Variants in PARP4 observed in about 807,000 individuals in gnomAD.
PARP4 encodes the protein protein mono-ADP-ribosyltransferase PARP4.
Under a neutral mutation model 187.7 loss-of-function variants are expected in PARP4, and 120 were observed. The ratio of observed to expected loss-of-function variants is 0.64; its 90% confidence interval spans 0.55 to 0.74. The LOEUF is 0.74. PARP4 is among the 30% of genes least tolerant of loss of function. PARP4 has a pLI of 0.00. For missense variants in PARP4, 1,836 were observed against 2,070.5 expected (o/e 0.89, Z 2.20); for synonymous variants, 654 against 740.9 (o/e 0.88, Z 1.90).
intron 20 of PARP4, among the ~76,000 whole-genome samples, chr13:24,458,031 A>C (rs1402210965): frequency 6.6e-6 from 1 of 152,070 alleles, no homozygotes; most frequent in African/African-American, 2.4e-5. Context: ...GCACTTCGGG[A>C]AGCCAGAGCA....
Position 24,435,243 on chromosome 13 carries a change from G to A in PARP4, c.3898C>T (p.Pro1300Ser), listed in dbSNP as rs771598307. 2.5e-6 allele frequency: 4 copies of A among 1,613,868 alleles called. No individual in the cohort carries two copies. The highest frequency in any genetic ancestry group is 1.7e-6 in the Non-Finnish European group (2 of 1,179,996). Residue 1300 changes from proline (P) to serine (S), a missense_variant, in exon 31 of 34, where the codon CCA becomes TCA. Physicochemically the swap from Pro to Ser is moderately conservative, Grantham distance 74. Transcript: ENST00000381989. ...TESCKPTATE[P>S]LFKKVSPWET... Reference sequence around the variant, plus strand: ...CATGGACTGACTTTCTTAAATAGTGGTTCAGTTGCTGTTGGTTTACATGAC... The same window carrying A: ...CATGGACTGACTTTCTTAAATAGTGATTCAGTTGCTGTTGGTTTACATGAC...
chr13:24,428,021 G>C lies in PARP4; in HGVS notation c.4847-1423C>G, dbSNP rs145470963. On this transcript the variant is annotated intron_variant, in intron 32 of 33. Transcript: ENST00000381989. ...TTCAGAAGGAGAGGGGATGATAAAA[G>C]AGAAATGAAGAAGAGGATAAAAGAC... 1.2e-3 allele frequency among the ~76,000 whole-genome samples: 176 copies of C among 152,214 alleles called. 3 individuals are homozygous for C. The East Asian group carries it at 0.018, about 16-fold the overall frequency.
At chr13:24,506,089 C>A (rs1310889242) in intron 1 of PARP4, among the ~76,000 whole-genome samples, 1 of 152,226 alleles carries the variant, frequency 6.6e-6, no homozygotes, top group Non-Finnish European at 1.5e-5. Flanking sequence ...AAAAACGAAG[C>A]TGCCTGGACC....
At chr13:24,458,700 G>T (rs1872021204) in intron 20 of PARP4, among the ~76,000 whole-genome samples, 1 of 152,172 alleles carries the variant, frequency 6.6e-6, no homozygotes, top group Non-Finnish European at 1.5e-5. Flanking sequence ...GGAATGAAGG[G>T]GAGAGGAAAA....
intron 1 of PARP4, among the ~76,000 whole-genome samples, chr13:24,504,734 C>T (rs751365077): frequency 5.3e-5 from 8 of 151,930 alleles, no homozygotes; most frequent in Admixed American, 2.0e-4. Flanking sequence ...TGCTCTGTCA[C>T]CCACGCTGGA....
intron 26 of PARP4, 74 bp downstream of exon 26, chr13:24,446,942 G>A (rs1267536947): frequency 2.6e-6 from 4 of 1,519,474 alleles, no homozygotes; most frequent in South Asian, 1.3e-5. Context: ...GAGAAGGGGA[G>A]GGAAGAAGAC....
intron 27 of PARP4, among the ~76,000 whole-genome samples, chr13:24,445,995 G>A (rs926282986): frequency 2.6e-5 from 4 of 152,204 alleles, no homozygotes; most frequent in Admixed American, 6.5e-5. Flanking sequence ...ACCAGAAATG[G>A]TGTATTTGGG....
chr13:24,437,446 G>A lies in PARP4; in HGVS notation c.3667-1972C>T, dbSNP rs532754194. On this transcript the variant is annotated intron_variant, in intron 30 of 33. Transcript: ENST00000381989. Reference sequence around the variant, plus strand: ...ACATCAAAATAACATGTGGAATACCGGGAAACAAATTTTCACAACTCATAT... The same window carrying A: ...ACATCAAAATAACATGTGGAATACCAGGAAACAAATTTTCACAACTCATAT... Among the ~76,000 whole-genome samples the A allele has an allele frequency of 1.9e-3, 282 of 151,890 alleles. 2 individuals are homozygous for A. The highest frequency in any genetic ancestry group is 6.5e-3 in the African/African-American group (268 of 41,416).
intron 21 of PARP4, among the ~76,000 whole-genome samples, chr13:24,455,676 G>T (rs1871806681): frequency 7.4e-6 from 1 of 135,214 alleles, no homozygotes; most frequent in Non-Finnish European, 1.6e-5. Flanking sequence ...GGTATGCAGT[G>T]GCACGATCAC....
chr13:24,477,739 T>C lies in PARP4; in HGVS notation c.1751A>G (p.Glu584Gly), dbSNP rs1477912515. Reference protein sequence around the residue: ...FHPSDHTELEEYRPEFSNFSK... With the variant: ...FHPSDHTELEGYRPEFSNFSK... ...AAAATTTGAAAACTCAGGTCTGTAT[T>C]CCTCTAATTCAGTATGATCACTAGG... Residue 584 changes from glutamate to glycine, a missense_variant, in exon 14 of 34, where the codon GAA (glutamate) becomes GGA (glycine). This residue lies in a region of PARP4 where 1,147 missense variants were observed against 1,214.2 expected (regional missense o/e 0.94). Transcript: ENST00000381989. The C allele has an allele frequency of 6.3e-7, 1 of 1,589,884 alleles. No homozygotes were observed.
At chr13:24,442,859 G>A (rs1046065046) in intron 28 of PARP4, among the ~76,000 whole-genome samples, 174 bp from the exon 29 acceptor site, 24 of 150,732 alleles carry the variant, frequency 1.6e-4, no homozygotes, top group Non-Finnish European at 2.7e-4. Context: ...AGAAAGTGTC[G>A]CTCTTCATTA....
At chr13:24,490,930 T>A in intron 9 of PARP4, 102 bp from the exon 10 acceptor site, 2 of 1,082,186 alleles carry the variant, frequency 1.8e-6, no homozygotes, top group Non-Finnish European at 2.7e-6. Flanking sequence ...AAGTCCATTT[T>A]CCCCCAAAGC....
intron 33 of PARP4, among the ~76,000 whole-genome samples, chr13:24,425,177 T>C (rs1869963062): frequency 6.6e-6 from 1 of 152,014 alleles, no homozygotes; most frequent in Non-Finnish European, 1.5e-5. Context: ...GGTGCACACC[T>C]GTAGTCCCAG....
intron 1 of PARP4, among the ~76,000 whole-genome samples, chr13:24,504,882 CG>C (rs1240905434): frequency 2.6e-5 from 4 of 151,384 alleles, no homozygotes; most frequent in Non-Finnish European, 5.9e-5. Flanking sequence ...TTAGTAGAGT[CG>C]GGGGTTTTAC....
rs199644976 is a variant in PARP4 at position 24,469,986 on chromosome 13, G to A, written c.1954C>T (p.Pro652Ser). The A allele has an allele frequency of 6.8e-6, 11 of 1,613,572 alleles. No individual in the cohort carries two copies. The highest frequency in any genetic ancestry group is 9.3e-6 in the Non-Finnish European group (11 of 1,179,648). The change falls in exon 16 of 34, where the codon CCC becomes TCC. Residue 652 changes from proline to serine, a missense_variant. Pro to Ser is a moderately conservative substitution (Grantham distance 74). Coordinates refer to ENST00000381989, the MANE Select transcript of PARP4 (RefSeq NM_006437.4). ...FQTYTNKSHVPIEAKYIFPLD... is the reference protein window; with the variant it reads ...FQTYTNKSHVSIEAKYIFPLD... ...GGAAAGATATATTTTGCCTCAATGG[G>A]CACGTGACTTTTATTTGTGTATGTC...
chr13:24,453,722 A>G (rs1350911087), intron 22 of PARP4, 68 bp from the exon 23 acceptor site: 4 of 851,398 alleles, frequency 4.7e-6, no homozygotes, highest in Non-Finnish European at 8.2e-6. Flanking sequence ...AACAAACAAT[A>G]ATGTTATTTC....
chr13:24,478,382 T>C lies in PARP4; in HGVS notation c.1449-106A>G, dbSNP rs1873100947. 1.1e-5 allele frequency: 7 copies of C among 627,630 alleles called. No individual in the cohort carries two copies. The East Asian group carries it at 2.1e-4, about 19-fold the overall frequency. The allele number at this position is 627,630 out of a possible 1,614,324, so 38.9% of individuals were successfully genotyped here. ...TAAACTGTTCTAAATTTTCCTATTA[T>C]TGAAATATCTCCAAAGACTCAATTT... On this transcript the variant is annotated intron_variant, in intron 12 of 33. Transcript: ENST00000381989.
In PARP4 at chr13:24,470,113, T is replaced by C. The variant is rs563611356; in HGVS notation, c.1915-88A>G. 35 of 1,245,000 alleles carry C rather than the reference T, an allele frequency of 2.8e-5. 1 individual carries two copies. The Admixed American group carries it at 6.2e-4, about 22-fold the overall frequency. 77.1% of individuals were successfully genotyped at this position (1,245,000 alleles called of 1,614,324 possible). A position where few individuals can be genotyped will look rare whatever the true frequency, so the allele number is the denominator to read the frequency against. On this transcript the variant is annotated intron_variant, in intron 15 of 33. Transcript: ENST00000381989. ...GGACGAACGAAAATGATTTTGCATATTTATTTGAATTTCCTTGAATTTGTA... is the reference window on the plus strand; with the variant it reads ...GGACGAACGAAAATGATTTTGCATACTTATTTGAATTTCCTTGAATTTGTA...
rs765885299 is a variant in PARP4 at position 24,486,185 on chromosome 13, G to A, written c.1335C>T (p.Ile445=). The part of the protein sequence containing the change: ...PLLHGSPVQN[I]VGILCRGLLL... ...ACTCTTACCGACACAAGATTCCCAC[G>A]ATGTTTTGTACAGGAGAACCATGCA... is the stretch of plus-strand genomic sequence containing the variant. Residue 445 remains isoleucine (I), a synonymous_variant, in exon 11 of 34, where the codon ATC becomes ATT. Coordinates refer to ENST00000381989, the MANE Select transcript of PARP4 (RefSeq NM_006437.4). 19 of 1,610,430 alleles carry A rather than the reference G, an allele frequency of 1.2e-5. No homozygotes were observed. The highest frequency in any genetic ancestry group is 2.7e-5 in the African/African-American group (2 of 74,782).
Sources: allele counts gnomAD v4.1 joint callset (sites outside exome capture counted in the v4.1 genomes callset), GRCh38; gene constraint gnomAD v4.1.1; regional missense constraint gnomAD v4.1.1; transcripts MANE v1.5; gene names NCBI Gene and HGNC (gene_info 2026-07-23, HGNC 2026-07-21).